TLK1: variants seen among roughly 807,000 people sequenced by gnomAD.
TLK1 encodes the protein serine/threonine-protein kinase tousled-like 1.
In TLK1, 24 loss-of-function variants were observed where a neutral mutation model predicts 105.3. That is an observed-to-expected ratio of 0.23 (90% confidence interval 0.17 to 0.32). TLK1 has a LOEUF of 0.32. Among genes scored for constraint, TLK1 ranks in the 10% least tolerant of loss-of-function variants. The probability of loss-of-function intolerance (pLI) is 1.00; values close to 1 mark genes in which losing one functional copy is unlikely to be tolerated. For missense variants in TLK1, 558 were observed against 910.5 expected (o/e 0.61, Z 4.98); for synonymous variants, 321 against 310.4 (o/e 1.03, Z -0.36).
chr2:171,012,729 G>A (rs555887280), intron 13 of TLK1, among the ~76,000 whole-genome samples: 13 of 152,022 alleles, frequency 8.6e-5, no homozygotes, highest in African/African-American at 2.9e-4. Context: ...CGCCTGCCTC[G>A]GCCTCCCAAA....
chr2:171,010,728 T>C (rs1684877358), intron 14 of TLK1, among the ~76,000 whole-genome samples: 1 of 152,160 alleles, frequency 6.6e-6, no homozygotes, highest in Admixed American at 6.5e-5. Flanking sequence ...AGGTAGAAAT[T>C]TGGATAAATT....
At chr2:171,149,804 G>A (rs1179406933) in intron 1 of TLK1, among the ~76,000 whole-genome samples, 1 of 152,036 alleles carries the variant, frequency 6.6e-6, no homozygotes, top group African/African-American at 2.4e-5. Flanking sequence ...TACTTGGGAG[G>A]CTGAGATGAA....
upstream of TLK1, among the ~76,000 whole-genome samples, chr2:171,162,991 C>A (rs1400455072): frequency 6.6e-6 from 1 of 152,180 alleles, no homozygotes; most frequent in Non-Finnish European, 1.5e-5. Flanking sequence ...GGGGTTTCAC[C>A]ATGTTGGCCA....
rs550404733 is a variant in TLK1 at position 171,127,293 on chromosome 2, A to G, written c.140-9436T>C. Among the ~76,000 whole-genome samples, 18 of 61,082 alleles carry G rather than the reference A, an allele frequency of 2.9e-4. 2 individuals carry two copies. Among genetic ancestry groups the G allele is most frequent in the Admixed American group, 2.5e-3 (18 of 7,284 alleles). 40.1% of individuals were successfully genotyped at this position (61,082 alleles called of 152,430 possible). On this transcript the variant is annotated intron_variant, in intron 1 of 20. Coordinates refer to ENST00000431350, the MANE Select transcript of TLK1 (RefSeq NM_012290.5). ...CTCCCGTCTCAAAAAAAAAAAAAAAAGAAAGAAAAAATTCAAGAAGTCTAT... is the reference window on the plus strand; with the variant it reads ...CTCCCGTCTCAAAAAAAAAAAAAAAGGAAAGAAAAAATTCAAGAAGTCTAT...
intron 12 of TLK1, among the ~76,000 whole-genome samples, chr2:171,016,395 A>G (rs1272224481): frequency 6.6e-6 from 1 of 152,064 alleles, no homozygotes; most frequent in Non-Finnish European, 1.5e-5. Flanking sequence ...CAGCCTCTCA[A>G]AGTGTTGGGA....
At chr2:171,027,034 G>A (rs1685807200) in intron 12 of TLK1, among the ~76,000 whole-genome samples, 2 of 152,028 alleles carry the variant, frequency 1.3e-5, no homozygotes, top group South Asian at 4.1e-4. Context: ...GACAGATATA[G>A]CATATTAAAG....
intron 1 of TLK1, among the ~76,000 whole-genome samples, chr2:171,199,570 C>A (rs1693359151): frequency 6.6e-6 from 1 of 151,854 alleles, no homozygotes; most frequent in Non-Finnish European, 1.5e-5. Context: ...AGCCTCTGAG[C>A]CTTGAGTCCT....
At chr2:171,100,046 C>T (rs1427853364) in intron 2 of TLK1, among the ~76,000 whole-genome samples, 1 of 152,068 alleles carries the variant, frequency 6.6e-6, no homozygotes, top group Non-Finnish European at 1.5e-5. Flanking sequence ...ATAAAGAATT[C>T]TTATGACTCA....
chr2:171,073,942 G>A (rs1007743217), intron 3 of TLK1, among the ~76,000 whole-genome samples: 1 of 145,316 alleles, frequency 6.9e-6, no homozygotes, highest in African/African-American at 2.6e-5. Flanking sequence ...CCAGGCTGGA[G>A]TGCAGTGGTG....
chr2:171,035,987 A>G (rs1686313126), intron 11 of TLK1, among the ~76,000 whole-genome samples: 1 of 152,218 alleles, frequency 6.6e-6, no homozygotes, highest in African/African-American at 2.4e-5. Context: ...GTAAGGTAAT[A>G]TTTGTGTTGG....
intron 14 of TLK1, among the ~76,000 whole-genome samples, chr2:171,007,675 C>T (rs1684711034): frequency 6.6e-6 from 1 of 151,924 alleles, no homozygotes; most frequent in Admixed American, 6.5e-5. Flanking sequence ...CCCTTGCATC[C>T]CACCCTTCCC....
chr2:171,019,650 G>C (rs1186772407), intron 12 of TLK1, among the ~76,000 whole-genome samples: 2 of 152,118 alleles, frequency 1.3e-5, no homozygotes, highest in African/African-American at 4.8e-5. Context: ...GAAGTATTTT[G>C]ATGTATTATT....
intron 1 of TLK1, among the ~76,000 whole-genome samples, chr2:171,187,479 T>C (rs1693055036): frequency 6.6e-6 from 1 of 152,210 alleles, no homozygotes; most frequent in African/African-American, 2.4e-5. Context: ...AAGTCCTTCC[T>C]AAACTTACTT....
chr2:171,169,793 A>G (rs1212139048), intron 1 of TLK1, among the ~76,000 whole-genome samples: 1 of 152,238 alleles, frequency 6.6e-6, no homozygotes, highest in African/African-American at 2.4e-5. Context: ...AACAGGGGCT[A>G]GAAGAAAAAC....
At chr2:171,213,920 T>G (rs1336606927) in intron 1 of TLK1, among the ~76,000 whole-genome samples, 1 of 149,206 alleles carries the variant, frequency 6.7e-6, no homozygotes, top group South Asian at 2.1e-4. Context: ...AGAGAAGAGG[T>G]CTTGTTATGT....
intron 1 of TLK1, among the ~76,000 whole-genome samples, chr2:171,193,699 CATTTTTTTTT>C (rs1177118219): frequency 1.9e-5 from 2 of 103,226 alleles, no homozygotes; most frequent in African/African-American, 8.0e-5. Flanking sequence ...CAGCGCCTGG[CATTTTTTTTT>C]TTTTTTTTTT....
chr2:171,136,190 G>A (rs752886024), intron 1 of TLK1, among the ~76,000 whole-genome samples: 4 of 152,182 alleles, frequency 2.6e-5, no homozygotes, highest in Non-Finnish European at 5.9e-5. Context: ...CCTTGAAGAC[G>A]TTATGTTGAG....
intron 1 of TLK1, among the ~76,000 whole-genome samples, chr2:171,174,563 A>G (rs1692786224): frequency 6.6e-6 from 1 of 152,134 alleles, no homozygotes; most frequent in Non-Finnish European, 1.5e-5. Context: ...TACTAGTATA[A>G]TCTTTATTAT....
chr2:171,135,859 C>T (rs1691298392), intron 1 of TLK1, among the ~76,000 whole-genome samples: 2 of 152,076 alleles, frequency 1.3e-5, no homozygotes, highest in South Asian at 2.1e-4. Context: ...TAAGATATCA[C>T]CTCACACCTA....
Sources: allele counts gnomAD v4.1 joint callset (sites outside exome capture counted in the v4.1 genomes callset), GRCh38; gene constraint gnomAD v4.1.1; transcripts MANE v1.5; gene names NCBI Gene and HGNC (gene_info 2026-07-23, HGNC 2026-07-21).